UBE2C: variants seen among roughly 807,000 people sequenced by gnomAD.
UBE2C encodes the protein ubiquitin conjugating enzyme E2 C.
Under a neutral mutation model 23.5 loss-of-function variants are expected in UBE2C, and 16 were observed. The ratio of observed to expected loss-of-function variants is 0.68; its 90% CI spans 0.46 to 1.03. The LOEUF (loss-of-function observed/expected upper bound fraction) is 1.03, where lower values mean the gene tolerates loss of function less well. Among genes scored for constraint, UBE2C ranks in the 50% least tolerant of loss-of-function variants. The pLI, the probability that UBE2C is intolerant of heterozygous loss-of-function variation, is 0.00. For synonymous variants in UBE2C, 76 were observed against 91.6 expected, an observed-to-expected ratio of 0.83 and a Z score of 0.97; for missense variants, 192 against 227.6, an observed-to-expected ratio of 0.84 and a Z score of 1.01.
rs530811907 is a variant in UBE2C at position 45,812,931 on chromosome 20, G to A, written c.101+135G>A. ...CTGCGGGTGCAGGAGAACACACCAG[G>A]AGCTCGGGGCCTGGCATTCCCCTGG... On this transcript the variant is annotated intron_variant, in intron 1 of 5. Coordinates refer to ENST00000356455, the MANE Select transcript of UBE2C (RefSeq NM_007019.4). 4.9e-6 allele frequency: 7 copies of A among 1,433,110 alleles called. No individual in the cohort carries two copies. The South Asian group carries it at 1.0e-4, about 21-fold the overall frequency. The allele number at this position is 1,433,110 out of a possible 1,614,324, so 88.8% of individuals were successfully genotyped here.
At chr20:45,814,540 T>C (rs2145717261) in intron 3 of UBE2C, 70 bp downstream of exon 3, 1 of 1,291,998 alleles carries the variant, frequency 7.7e-7, no homozygotes. Flanking sequence ...GTGCGAGCTC[T>C]GCTTCAAGCC....
At chr20:45,815,058 C>T (rs952447722) in intron 3 of UBE2C, among the ~76,000 whole-genome samples, 2 of 151,642 alleles carry the variant, frequency 1.3e-5, no homozygotes, top group Non-Finnish European at 2.9e-5. Flanking sequence ...AGGATGGTCT[C>T]GATCTCCTGA....
intron 3 of UBE2C, 102 bp from the exon 4 acceptor site, chr20:45,815,439 C>G (rs1201682714): frequency 6.2e-7 from 1 of 1,613,922 alleles, no homozygotes; most frequent in Non-Finnish European, 8.5e-7. Flanking sequence ...CTGTCCGGTC[C>G]CAGAGAAACT....
intron 2 of UBE2C, among the ~76,000 whole-genome samples, chr20:45,813,830 G>A (rs1982167461): frequency 6.6e-6 from 1 of 152,080 alleles, no homozygotes; most frequent in South Asian, 2.1e-4. Flanking sequence ...GAGGCTGGGC[G>A]CGGTAGCTCA....
intron 2 of UBE2C, among the ~76,000 whole-genome samples, chr20:45,813,723 A>T (rs896651563): frequency 9.2e-5 from 14 of 151,858 alleles, no homozygotes; most frequent in African/African-American, 3.4e-4. Context: ...CCTAGCCCCA[A>T]CCAAGCTTTA....
At chr20:45,814,610 G>T in intron 3 of UBE2C, 140 bp downstream of exon 3, 1 of 582,634 alleles carries the variant, frequency 1.7e-6, no homozygotes. Context: ...ATGTGGCCTT[G>T]TTCTTTCCCT....
intron 1 of UBE2C, chr20:45,813,217 A>G: frequency 6.9e-7 from 1 of 1,452,260 alleles, no homozygotes; most frequent in South Asian, 1.5e-5. Context: ...GGAATTAAGA[A>G]CATGCCAGAA....
At chr20:45,813,218 C>T (rs1301835788) in intron 1 of UBE2C, 1 of 1,452,794 alleles carries the variant, frequency 6.9e-7, no homozygotes, top group Admixed American at 2.7e-5. Context: ...GAATTAAGAA[C>T]ATGCCAGAAT....
At chr20:45,816,135 T>C (rs1156681622) in intron 5 of UBE2C, among the ~76,000 whole-genome samples, 2 of 152,204 alleles carry the variant, frequency 1.3e-5, no homozygotes, top group Non-Finnish European at 2.9e-5. Flanking sequence ...TTTGGGAAAT[T>C]ATTGGTGAGA....
In UBE2C at chr20:45,815,324, G is replaced by A. The variant is rs558394302; in HGVS notation, c.217-217G>A. 7.2e-5 allele frequency: 108 copies of A among 1,509,934 alleles called. 1 individual carries two copies. The South Asian group carries it at 1.2e-3, about 16-fold the overall frequency. The allele number at this position is 1,509,934 out of a possible 1,614,324, so 93.5% of individuals were successfully genotyped here. On this transcript the variant is annotated intron_variant, in intron 3 of 5. Coordinates refer to ENST00000356455, the MANE Select transcript of UBE2C (RefSeq NM_007019.4). ...ACATGAGCCCAGGAGTTTGAGACTG[G>A]CCTGGGCAACATGGTGAAACCCTGT... is the stretch of plus-strand genomic sequence containing the variant.
chr20:45,813,100 T>C, intron 1 of UBE2C: 1 of 1,397,582 alleles, frequency 7.2e-7, no homozygotes, highest in South Asian at 1.6e-5. Flanking sequence ...GCTGCCAGAC[T>C]CCTTCCCTGG....
intron 5 of UBE2C, 42 bp downstream of exon 5, chr20:45,815,955 A>C (rs757211544): frequency 1.2e-6 from 2 of 1,605,320 alleles, no homozygotes; most frequent in East Asian, 4.5e-5. Context: ...CCCTCCCCCA[A>C]CCTTCAAAGG....
Position 45,814,009 on chromosome 20 carries a change from G to T in UBE2C, c.130-375G>T, listed in dbSNP as rs560990685. ...AATTTCAGCTACTCGGGAGGCTGAG[G>T]CACAAGAATCATTTGAACCGTGGAG... On this transcript the variant is annotated intron_variant, in intron 2 of 5. Transcript: ENST00000356455. Among the ~76,000 whole-genome samples the T allele has an allele frequency of 1.8e-4, 28 of 151,848 alleles. No individual in the cohort carries two copies. In the South Asian group the frequency reaches 4.8e-3, roughly 26 times the overall value.
chr20:45,814,937 C>T, intron 3 of UBE2C, among the ~76,000 whole-genome samples: 1 of 85,596 alleles, frequency 1.2e-5, no homozygotes, highest in Non-Finnish European at 2.4e-5. Flanking sequence ...TTCCCGGGTT[C>T]ACGCCATTCT....
intron 2 of UBE2C, 104 bp downstream of exon 2, chr20:45,813,568 C>G: frequency 6.7e-7 from 1 of 1,503,680 alleles, no homozygotes; most frequent in Non-Finnish European, 9.3e-7. Context: ...GTAATTTGCT[C>G]CCTCCTGGGA....
At position 45,816,908 on chromosome 20, in the gene UBE2C, G is replaced by A. The variant is rs1982624334; in HGVS notation, c.*141G>A. ...TTTTTGTCTTTTAAATTAAGCCTCG[G>A]TTGAGCCCTTGTATATTAAATAAAT... On this transcript the variant is annotated 3_prime_UTR_variant, in exon 6 of 6. Coordinates refer to ENST00000356455, the MANE Select transcript of UBE2C (RefSeq NM_007019.4). The A allele has an allele frequency of 1.5e-6, 1 of 667,686 alleles. No individual in the cohort carries two copies. 41.4% of individuals were successfully genotyped at this position (667,686 alleles called of 1,614,324 possible).
intron 2 of UBE2C, among the ~76,000 whole-genome samples, chr20:45,813,729 C>T (rs1489670453): frequency 6.6e-6 from 1 of 152,114 alleles, no homozygotes; most frequent in East Asian, 1.9e-4. Flanking sequence ...CCCAACCAAG[C>T]TTTACCCACA....
intron 3 of UBE2C, 80 bp downstream of exon 3, chr20:45,814,550 C>A: frequency 8.5e-7 from 1 of 1,178,272 alleles, no homozygotes; most frequent in Non-Finnish European, 1.2e-6. Context: ...TGCTTCAAGC[C>A]TTTGGCGGAG....
chr20:45,815,885 T>C lies in UBE2C; in HGVS notation c.453T>C (p.His151=), dbSNP rs1206288985. Residue 151 remains histidine (H), a synonymous_variant, in exon 5 of 6, where the codon CAT becomes CAC. Transcript: ENST00000356455. Reference sequence around the variant, plus strand: ...ACATTGATAGTCCCTTGAACACACATGCTGCCGAGCTCTGGAAAAACCCCA... The same window carrying C: ...ACATTGATAGTCCCTTGAACACACACGCTGCCGAGCTCTGGAAAAACCCCA... The part of the protein sequence containing the change: ...EPNIDSPLNT[H]AAELWKNPTA... 1.1e-4 allele frequency: 178 copies of C among 1,613,950 alleles called. No homozygotes were observed. Among genetic ancestry groups the C allele is most frequent in the Non-Finnish European group, 1.5e-4 (174 of 1,180,020 alleles).
Sources: gnomAD v4.1 joint callset for allele counts (sites outside exome capture counted in the v4.1 genomes callset) on GRCh38, gnomAD v4.1.1 for gene constraint, MANE v1.5 for transcripts, NCBI Gene and HGNC (gene_info 2026-07-23, HGNC 2026-07-21) for gene names.